SYT1: variants seen among roughly 807,000 people sequenced by gnomAD.
SYT1 encodes the protein synaptotagmin 1.
Under a neutral mutation model 44.8 loss-of-function variants are expected in SYT1, and 8 were observed. That is an observed-to-expected ratio of 0.18 (90% CI 0.10 to 0.32). The LOEUF (loss-of-function observed/expected upper bound fraction) is 0.32. SYT1 is among the 10% of genes least tolerant of loss of function. The probability of loss-of-function intolerance (pLI) is 1.00; values close to 1 mark genes in which losing one functional copy is unlikely to be tolerated. For missense variants in SYT1, 286 were observed against 509.3 expected (o/e 0.56, Z 4.22); for synonymous variants, 154 against 188.8 (o/e 0.82, Z 1.51).
intron 3 of SYT1, among the ~76,000 whole-genome samples, chr12:79,216,035 T>G (rs1592861264): frequency 6.9e-6 from 1 of 145,906 alleles, no homozygotes; most frequent in African/African-American, 2.5e-5. Flanking sequence ...GGGTTCAAGC[T>G]ATTCTCCTGC....
chr12:79,262,656 C>T (rs148705782), intron 4 of SYT1, among the ~76,000 whole-genome samples: 2 of 152,296 alleles, frequency 1.3e-5, no homozygotes, highest in African/African-American at 4.8e-5. Flanking sequence ...CAACTGCTTT[C>T]TCTGCCAACT....
intron 3 of SYT1, among the ~76,000 whole-genome samples, chr12:79,192,723 A>C (rs970291716): frequency 1.3e-5 from 2 of 152,166 alleles, no homozygotes; most frequent in African/African-American, 4.8e-5. Flanking sequence ...GTGGATTGTC[A>C]TTATTCATAG....
At chr12:79,249,104 T>G (rs1877028852) in intron 4 of SYT1, among the ~76,000 whole-genome samples, 1 of 118,406 alleles carries the variant, frequency 8.4e-6, no homozygotes, top group Non-Finnish European at 1.7e-5. Context: ...TTTTTTTTTT[T>G]TTTTTTTTTT....
intron 4 of SYT1, among the ~76,000 whole-genome samples, chr12:79,276,099 C>T (rs1878704673): frequency 6.6e-6 from 1 of 151,642 alleles, no homozygotes; most frequent in African/African-American, 2.4e-5. Flanking sequence ...AAGAAATATC[C>T]CCAGATGAGA....
rs188309281 is a variant in SYT1 at position 79,280,669 on chromosome 12, A to T, written c.167-5118A>T. Among the ~76,000 whole-genome samples the T allele has an allele frequency of 6.9e-3, 1,050 of 152,194 alleles. 43 individuals are homozygous for T. Among genetic ancestry groups the T allele is most frequent in the East Asian group, 7.5e-3 (39 of 5,186 alleles). The stretch of plus-strand genomic sequence containing the variant: ...AAAATAAATAAATAGGACTTAAATT[A>T]AAAAACTTCTGTACAGCTAAATAAA... On this transcript the variant is annotated intron_variant, in intron 4 of 10. Transcript: ENST00000261205.
intron 9 of SYT1, among the ~76,000 whole-genome samples, chr12:79,414,018 C>T (rs544278690): frequency 6.6e-6 from 1 of 152,262 alleles, no homozygotes; most frequent in East Asian, 1.9e-4. Flanking sequence ...CTGGAGTACA[C>T]CCCAATGAAA....
At chr12:79,026,680 T>C (rs1872556579) in intron 2 of SYT1, among the ~76,000 whole-genome samples, 1 of 135,678 alleles carries the variant, frequency 7.4e-6, no homozygotes, top group Non-Finnish European at 1.6e-5. Context: ...TATATATATA[T>C]ATATATATAT....
At chr12:79,125,692 A>G (rs1868396347) in intron 3 of SYT1, among the ~76,000 whole-genome samples, 1 of 152,068 alleles carries the variant, frequency 6.6e-6, no homozygotes, top group South Asian at 2.1e-4. Context: ...AATTTAAAAT[A>G]TAAAAACTAT....
chr12:78,881,212 C>T (rs984015141), intron 1 of SYT1, among the ~76,000 whole-genome samples: 8 of 151,714 alleles, frequency 5.3e-5, no homozygotes, highest in African/African-American at 1.7e-4. Flanking sequence ...ATACTTCCCT[C>T]CTGTCCCTCT....
At chr12:79,420,287 G>A in intron 9 of SYT1, among the ~76,000 whole-genome samples, 1 of 152,058 alleles carries the variant, frequency 6.6e-6, no homozygotes, top group East Asian at 1.9e-4. Flanking sequence ...TTGCCATGTT[G>A]GCACTGTTAG....
intron 3 of SYT1, among the ~76,000 whole-genome samples, chr12:79,213,214 A>G (rs950646501): frequency 1.3e-5 from 2 of 152,208 alleles, no homozygotes; most frequent in African/African-American, 4.8e-5. Context: ...ACTTCTCTTC[A>G]GTATATAATA....
chr12:79,079,166 A>G (rs1181073949), intron 3 of SYT1, among the ~76,000 whole-genome samples: 4 of 152,136 alleles, frequency 2.6e-5, no homozygotes, highest in East Asian at 1.9e-4. Context: ...CTAATAAACT[A>G]TTGTCACAAG....
chr12:79,016,691 G>T (rs1871828453), intron 2 of SYT1, among the ~76,000 whole-genome samples: 1 of 152,086 alleles, frequency 6.6e-6, no homozygotes, highest in African/African-American at 2.4e-5. Context: ...AAAACTGGTG[G>T]AAGTTGTTAC....
At chr12:79,000,541 C>G (rs1870673749) in intron 2 of SYT1, among the ~76,000 whole-genome samples, 3 of 152,204 alleles carry the variant, frequency 2.0e-5, no homozygotes, top group Admixed American at 2.0e-4. Flanking sequence ...TCAGGTGATC[C>G]ACCCACCTCA....
rs564175508 is a variant in SYT1 at position 79,221,038 on chromosome 12, A to G, written c.166+3353A>G. ...GAAAATGGGGTGTTAAGTCATTATT[A>G]TTGTATTACAGTTGATCTCTCCCTT... On this transcript the variant is annotated intron_variant, in intron 4 of 10. Coordinates refer to ENST00000261205, the MANE Select transcript of SYT1 (RefSeq NM_005639.3). Among the ~76,000 whole-genome samples the G allele has an allele frequency of 3.9e-5, 6 of 152,180 alleles. No homozygotes were observed. The East Asian group carries it at 1.2e-3, about 29-fold the overall frequency.
In SYT1 at chr12:79,451,264, C is replaced by T. The variant is rs1871043428; in HGVS notation, c.*2140C>T. ...AATAACCGTCTGCCGATGGTCCGTA[C>T]TTCTTAAAAAACATAGGTAATAGAA... On this transcript the variant is annotated 3_prime_UTR_variant, in exon 11 of 11. Transcript: ENST00000261205. The T allele has an allele frequency of 6.6e-6, 1 of 152,166 alleles. No homozygotes were observed. Among genetic ancestry groups the T allele is most frequent in the Admixed American group, 6.5e-5 (1 of 15,286 alleles). 9.4% of individuals were successfully genotyped at this position (152,166 alleles called of 1,614,324 possible). A position where few individuals can be genotyped will look rare whatever the true frequency, so the allele number is the denominator to read the frequency against.
intron 1 of SYT1, among the ~76,000 whole-genome samples, chr12:78,912,296 G>C (rs1484224271): frequency 6.6e-6 from 1 of 151,570 alleles, no homozygotes; most frequent in East Asian, 1.9e-4. Context: ...ATGATAAATA[G>C]AAAAAGGAAA....
At chr12:79,309,294 G>A (rs1453266727) in intron 8 of SYT1, among the ~76,000 whole-genome samples, 1 of 152,104 alleles carries the variant, frequency 6.6e-6, no homozygotes, top group Non-Finnish European at 1.5e-5. Context: ...ACTGATAGCA[G>A]TTATTCATTG....
At chr12:79,020,408 A>G (rs1452351009) in intron 2 of SYT1, among the ~76,000 whole-genome samples, 1 of 151,910 alleles carries the variant, frequency 6.6e-6, no homozygotes, top group Non-Finnish European at 1.5e-5. Flanking sequence ...CAGAATAATA[A>G]AAGCTCACAC....
Sources: gnomAD v4.1 joint callset for allele counts (sites outside exome capture counted in the v4.1 genomes callset) on GRCh38, gnomAD v4.1.1 for gene constraint, MANE v1.5 for transcripts, NCBI Gene and HGNC (gene_info 2026-07-23, HGNC 2026-07-21) for gene names.